MIOX: variants seen among roughly 807,000 people sequenced by gnomAD.
The protein encoded by MIOX is inositol oxygenase.
In MIOX, 51 loss-of-function variants were observed where a neutral mutation model predicts 42.7. That is an observed-to-expected ratio of 1.19 (90% confidence interval 0.95 to 1.51). The LOEUF (loss-of-function observed/expected upper bound fraction) is 1.51, where lower values mean the gene tolerates loss of function less well. Among genes scored for constraint, MIOX ranks in the 40% most tolerant of loss-of-function variants. The pLI is 0.00. For synonymous variants in MIOX, 168 were observed against 154.4 expected, an observed-to-expected ratio of 1.09 and a Z score of -0.65; for missense variants, 395 against 381.3, an observed-to-expected ratio of 1.04 and a Z score of -0.30.
At chr22:50,489,471 G>C (rs1234870152) in intron 8 of MIOX, 25 bp downstream of exon 8, 3 of 1,609,254 alleles carry the variant, frequency 1.9e-6, no homozygotes, top group Non-Finnish European at 2.5e-6. Flanking sequence ...GGGCAACGCA[G>C]CCCGTCCACC....
At chr22:50,489,174 G>A (rs1569516613) in intron 6 of MIOX, 25 bp downstream of exon 6, 7 of 1,612,288 alleles carry the variant, frequency 4.3e-6, no homozygotes, top group Non-Finnish European at 5.9e-6. Context: ...TGAGGGCTGG[G>A]CCCCCTTCCC....
chr22:50,488,787 C>CGTCCCTCCT lies in MIOX; in HGVS notation c.409-244_409-236dup, dbSNP rs1206806006. Among the ~76,000 whole-genome samples, 5 of 88,946 alleles carry CGTCCCTCCT rather than the reference C, an allele frequency of 5.6e-5. No homozygotes were observed. In the Admixed American group the frequency reaches 7.6e-4, roughly 14 times the overall value. 58.4% of individuals were successfully genotyped at this position (88,946 alleles called of 152,430 possible). Reference sequence around the variant, plus strand: ...TCCCTCCTGTCCCTCCCATCCCTCCCGTCCCTCCTGTCCCTCCCGTCCCTC... The same window carrying CGTCCCTCCT: ...TCCCTCCTGTCCCTCCCATCCCTCCCGTCCCTCCTGTCCCTCCTGTCCCTCCCGTCCCTC... On this transcript the variant is annotated intron_variant, in intron 5 of 9. Transcript: ENST00000216075.
At chr22:50,486,977 G>T (rs541463173) in intron 1 of MIOX, 65 bp downstream of exon 1, 1 of 1,596,974 alleles carries the variant, frequency 6.3e-7, no homozygotes, top group Non-Finnish European at 8.6e-7. Flanking sequence ...AGCCACTCCC[G>T]CCCTCTTCTA....
intron 4 of MIOX, 38 bp from the exon 5 acceptor site, chr22:50,488,237 C>T (rs1569516433): frequency 1.9e-6 from 3 of 1,613,288 alleles, no homozygotes; most frequent in Non-Finnish European, 8.5e-7. Context: ...GCCTTGGCCC[C>T]TGCAGTCCCC....
In MIOX at chr22:50,490,061, G is replaced by A. The variant is rs1603437953; in HGVS notation, c.*205G>A. On this transcript the variant is annotated 3_prime_UTR_variant, in exon 10 of 10. Coordinates refer to ENST00000216075, the MANE Select transcript of MIOX (RefSeq NM_017584.6). Reference sequence around the variant, plus strand: ...ATGTTGTGCTTCTGAAGCCCCACTGGGTGTTACTGCAGCAGGGCGTGGCCC... The same window carrying A: ...ATGTTGTGCTTCTGAAGCCCCACTGAGTGTTACTGCAGCAGGGCGTGGCCC... 1.7e-6 allele frequency: 1 copy of A among 595,890 alleles called. No homozygotes were observed. Among genetic ancestry groups the A allele is most frequent in the South Asian group, 1.9e-5 (1 of 51,376 alleles). 36.9% of individuals were successfully genotyped at this position (595,890 alleles called of 1,614,324 possible).
intron 9 of MIOX, 42 bp downstream of exon 9, chr22:50,489,686 G>A: frequency 1.3e-6 from 2 of 1,591,112 alleles, no homozygotes; most frequent in Non-Finnish European, 1.7e-6. Context: ...GGGAGTGAAA[G>A]AGGGGGTTGG....
chr22:50,489,170 C>T (rs776407495), intron 6 of MIOX, 21 bp downstream of exon 6: 4 of 1,612,312 alleles, frequency 2.5e-6, no homozygotes, highest in Non-Finnish European at 2.5e-6. Flanking sequence ...CTGCTGAGGG[C>T]TGGGCCCCCT....
At chr22:50,489,320 G>GCGGTGGGGGGCGGTGGGGGA (rs754579393) in intron 7 of MIOX, 25 bp downstream of exon 7, 13 of 1,475,532 alleles carry the variant, frequency 8.8e-6, no homozygotes, top group East Asian at 2.5e-5. Context: ...GGGCAGTGGG[G>GCGGTGGGGGGCGGTGGGGGA]CGGTGGGGGG....
intron 1 of MIOX, among the ~76,000 whole-genome samples, chr22:50,487,142 C>T (rs1021294646): frequency 1.3e-5 from 2 of 152,218 alleles, no homozygotes; most frequent in Non-Finnish European, 2.9e-5. Flanking sequence ...CCCCTGTACC[C>T]CGGAAGCAGA....
Position 50,490,092 on chromosome 22 carries a change from G to C in MIOX, c.*236G>C, listed in dbSNP as rs931610450. ...ACTGCAGCAGGGCGTGGCCCAGGCC[G>C]AGGGATGGTGCCAGCAGGGTGGAGG... is the stretch of plus-strand genomic sequence containing the variant. On this transcript the variant is annotated 3_prime_UTR_variant, in exon 10 of 10. Coordinates refer to ENST00000216075, the MANE Select transcript of MIOX (RefSeq NM_017584.6). The C allele has an allele frequency of 1.8e-6, 1 of 555,814 alleles. No individual in the cohort carries two copies. Among genetic ancestry groups the C allele is most frequent in the East Asian group, 3.0e-5 (1 of 32,810 alleles). The allele number at this position is 555,814 out of a possible 1,614,324, so 34.4% of individuals were successfully genotyped here. A position where few individuals can be genotyped will look rare whatever the true frequency, so the allele number is the denominator to read the frequency against.
rs763961052 is a variant in MIOX at position 50,488,064 on chromosome 22, G to A, written c.340+16G>A. The A allele has an allele frequency of 6.2e-7, 1 of 1,612,942 alleles. No individual in the cohort carries two copies. The highest frequency in any genetic ancestry group is 8.5e-7 in the Non-Finnish European group (1 of 1,179,620). On this transcript the variant is annotated intron_variant, in intron 4 of 9. Coordinates refer to ENST00000216075, the MANE Select transcript of MIOX (RefSeq NM_017584.6). ...CCAGACAAGGGTGAGCCCTGGCTGT[G>A]CTGCAGGGGGGCAGGTGCTGCCTCC...
In MIOX at chr22:50,489,313, C is replaced by A; in HGVS notation, c.586+18C>A. 1 of 1,071,274 alleles carries A rather than the reference C, an allele frequency of 9.3e-7. No individual in the cohort carries two copies. The highest frequency in any genetic ancestry group is 3.7e-5 in the Admixed American group (1 of 26,846). The allele number at this position is 1,071,274 out of a possible 1,614,324, so 66.4% of individuals were successfully genotyped here. On this transcript the variant is annotated intron_variant, in intron 7 of 9. Transcript: ENST00000216075. ...CCATGATGGTGAGGCCAGAGGCGGG[C>A]AGTGGGGCGGTGGGGGGCGGTGGGG...
chr22:50,488,490 C>A (rs552029369), intron 5 of MIOX, 148 bp downstream of exon 5: 4 of 624,770 alleles, frequency 6.4e-6, no homozygotes, highest in Non-Finnish European at 1.1e-5. Flanking sequence ...CCTCTGGTGG[C>A]CTCGGTGCTT....
At chr22:50,488,918 T>G in intron 5 of MIOX, 122 bp from the exon 6 acceptor site, 14 of 439,122 alleles carry the variant, frequency 3.2e-5, no homozygotes, top group Non-Finnish European at 4.3e-5. Context: ...CAGTCATCGG[T>G]GACACCTTCC....
intron 5 of MIOX, among the ~76,000 whole-genome samples, 174 bp from the exon 6 acceptor site, chr22:50,488,866 T>TC (rs757826166): frequency 7.7e-5 from 3 of 38,920 alleles, no homozygotes; most frequent in East Asian, 1.5e-3. Context: ...CTTCCCCCAC[T>TC]CCCCCCATGG....
Position 50,488,343 on chromosome 22 carries a change from G to C in MIOX, c.408+1G>C, listed in dbSNP as rs746108171. 1 of 1,597,120 alleles carries C rather than the reference G, an allele frequency of 6.3e-7. No individual in the cohort carries two copies. Among genetic ancestry groups the C allele is most frequent in the Non-Finnish European group, 8.5e-7 (1 of 1,171,002 alleles). ...CCTGGCCCTGTTCGGGGAGCCCCAGGTAAGAGTTGGAAGTGGAGGGTGAGG... is the reference window on the plus strand; with the variant it reads ...CCTGGCCCTGTTCGGGGAGCCCCAGCTAAGAGTTGGAAGTGGAGGGTGAGG... On this transcript the variant is annotated splice_donor_variant, in intron 5 of 9. Transcript: ENST00000216075. LOFTEE classifies it high-confidence loss of function.
rs1333551312 is a variant in MIOX, at chr22:50,489,461, G to A, written c.636+15G>A. 2.5e-6 allele frequency: 4 copies of A among 1,608,554 alleles called. No homozygotes were observed. Among genetic ancestry groups the A allele is most frequent in the East Asian group, 2.2e-5 (1 of 44,784 alleles). ...TGCCCCCTGAGGTAGGTGGGGGGAG[G>A]GGCAACGCAGCCCGTCCACCAGGCC... On this transcript the variant is annotated intron_variant, in intron 8 of 9. Transcript: ENST00000216075.
Position 50,489,135 on chromosome 22 carries a change from G to C in MIOX, c.504G>C (p.Gln168His), listed in dbSNP as rs1176869502. Residue 168 changes from glutamine (Q) to histidine (H), a missense_variant, in exon 6 of 10, where the codon CAG becomes CAC. By Grantham distance (24) the Gln-to-His change is conservative (BLOSUM62 0). Coordinates refer to ENST00000216075, the MANE Select transcript of MIOX (RefSeq NM_017584.6). ...CCTTCCAGGACAACCCTGACCTCCA[G>C]GATCCTCGATACAGGTGCTCCCTGC... The part of the protein sequence containing the change: ...DSTFQDNPDL[Q>H]DPRYSTELGM... The C allele has an allele frequency of 1.2e-6, 2 of 1,613,178 alleles. No individual in the cohort carries two copies. The highest frequency in any genetic ancestry group is 1.3e-5 in the African/African-American group (1 of 74,826).
Position 50,489,952 on chromosome 22 carries a change from C to T in MIOX, c.*96C>T, listed in dbSNP as rs1346677214. 67 of 1,209,252 alleles carry T rather than the reference C, an allele frequency of 5.5e-5. No individual in the cohort carries two copies. Among genetic ancestry groups the T allele is most frequent in the Non-Finnish European group, 4.1e-5 (34 of 839,022 alleles). The allele number at this position is 1,209,252 out of a possible 1,614,324, so 74.9% of individuals were successfully genotyped here. On this transcript the variant is annotated 3_prime_UTR_variant, in exon 10 of 10. Transcript: ENST00000216075. Reference sequence around the variant, plus strand: ...GGCAAACAGCCGCCATCAGGGTTCACCTCGGTGGGGGACCCCACTCACCCC... The same window carrying T: ...GGCAAACAGCCGCCATCAGGGTTCATCTCGGTGGGGGACCCCACTCACCCC...
Sources: gnomAD v4.1 joint callset for allele counts (sites outside exome capture counted in the v4.1 genomes callset) on GRCh38, gnomAD v4.1.1 for gene constraint, MANE v1.5 for transcripts, NCBI Gene and HGNC (gene_info 2026-07-23, HGNC 2026-07-21) for gene names.